Variants in CADM2 observed in about 807,000 individuals in gnomAD.
The protein encoded by CADM2 is cell adhesion molecule 2, also known as immunoglobulin superfamily member 4D.
Under a neutral mutation model 49.8 loss-of-function variants are expected in CADM2, and 12 were observed. The observed-to-expected ratio is 0.24, with a 90% CI of 0.15 to 0.39. CADM2 has a LOEUF of 0.39. Among genes scored for constraint, CADM2 ranks in the 10% least tolerant of loss-of-function variants. The pLI, the probability that CADM2 is intolerant of heterozygous loss-of-function variation, is 1.00. For synonymous variants in CADM2, 214 were observed against 175.4 expected, an observed-to-expected ratio of 1.22 and a Z score of -1.74; for missense variants, 378 against 492.3, an observed-to-expected ratio of 0.77 and a Z score of 2.20.
chr3:85,304,376 G>A (rs1308341958), intron 1 of CADM2, among the ~76,000 whole-genome samples: 1 of 151,700 alleles, frequency 6.6e-6, no homozygotes, highest in Non-Finnish European at 1.5e-5. Flanking sequence ...TAGAAACTAG[G>A]ATTATGGCTC....
At chr3:85,198,534 A>C (rs2041404436) in intron 1 of CADM2, among the ~76,000 whole-genome samples, 2 of 151,796 alleles carry the variant, frequency 1.3e-5, no homozygotes, top group African/African-American at 4.8e-5. Flanking sequence ...GAAACCACAG[A>C]AGCAGTTTCT....
chr3:85,119,248 C>CA (rs933085097), intron 1 of CADM2, among the ~76,000 whole-genome samples: 4 of 151,886 alleles, frequency 2.6e-5, no homozygotes, highest in African/African-American at 4.8e-5. Context: ...CCTGTCTCTA[C>CA]AAAAAAAATC....
chr3:85,172,453 A>T (rs1024724956), intron 1 of CADM2, among the ~76,000 whole-genome samples: 1 of 152,192 alleles, frequency 6.6e-6, no homozygotes, highest in African/African-American at 2.4e-5. Context: ...ATTCTAATCA[A>T]ATGCATATTA....
At chr3:85,543,433 T>TGTGTGTGTGTGTGTGA (rs2061596485) in intron 1 of CADM2, among the ~76,000 whole-genome samples, 1 of 148,034 alleles carries the variant, frequency 6.8e-6, no homozygotes, top group Non-Finnish European at 1.5e-5. Context: ...TGTGTGTGTG[T>TGTGTGTGTGTGTGTGA]GTGTGTGTGT....
intron 1 of CADM2, among the ~76,000 whole-genome samples, chr3:85,545,840 A>G (rs912285394): frequency 1.3e-5 from 2 of 152,264 alleles, no homozygotes; most frequent in South Asian, 4.1e-4. Context: ...GTCAGGTTGG[A>G]TGAAGAAGAA....
intron 8 of CADM2, among the ~76,000 whole-genome samples, chr3:86,054,027 T>C (rs1428831574): frequency 6.6e-6 from 1 of 152,040 alleles, no homozygotes; most frequent in African/African-American, 2.4e-5. Context: ...ATCTGTCATA[T>C]AGCTAGTGTA....
At chr3:85,093,460 T>C (rs1417181468) in intron 1 of CADM2, among the ~76,000 whole-genome samples, 3 of 143,044 alleles carry the variant, frequency 2.1e-5, no homozygotes, top group African/African-American at 7.8e-5. Flanking sequence ...GAGGTTGCAG[T>C]GAGCCGAGAT....
At chr3:84,985,778 A>G (rs2032517324) in intron 1 of CADM2, among the ~76,000 whole-genome samples, 1 of 152,238 alleles carries the variant, frequency 6.6e-6, no homozygotes, top group Non-Finnish European at 1.5e-5. Flanking sequence ...GATAATTGCT[A>G]GTGGGTCTAA....
intron 2 of CADM2, among the ~76,000 whole-genome samples, chr3:85,782,560 G>A (rs899691833): frequency 2.0e-5 from 3 of 151,518 alleles, no homozygotes; most frequent in East Asian, 1.9e-4. Context: ...GGAGGCTGAG[G>A]CAGGAGAATC....
intron 8 of CADM2, among the ~76,000 whole-genome samples, chr3:85,973,403 T>C (rs1195593309): frequency 6.6e-6 from 1 of 151,698 alleles, no homozygotes; most frequent in Non-Finnish European, 1.5e-5. Context: ...AAAAAGCACC[T>C]ACCACATTGA....
chr3:85,841,370 A>G (rs2074631492), intron 3 of CADM2, among the ~76,000 whole-genome samples: 1 of 151,920 alleles, frequency 6.6e-6, no homozygotes, highest in African/African-American at 2.4e-5. Flanking sequence ...CCTTGCTTAA[A>G]AAAGATGAAC....
intron 3 of CADM2, among the ~76,000 whole-genome samples, chr3:85,879,150 C>A: frequency 6.6e-6 from 1 of 151,582 alleles, no homozygotes; most frequent in Non-Finnish European, 1.5e-5. Flanking sequence ...GCATGAGTTC[C>A]TATTGTGAGA....
intron 2 of CADM2, among the ~76,000 whole-genome samples, chr3:85,760,319 T>G (rs545086588): frequency 6.6e-6 from 1 of 150,480 alleles, no homozygotes; most frequent in East Asian, 2.0e-4. Context: ...CCCAGCTGTG[T>G]CCTTGAAAGA....
At chr3:85,770,058 G>A (rs1048445736) in intron 2 of CADM2, among the ~76,000 whole-genome samples, 4 of 152,008 alleles carry the variant, frequency 2.6e-5, no homozygotes, top group Non-Finnish European at 4.4e-5. Context: ...CACTGGATTG[G>A]GAAACAGAAA....
intron 1 of CADM2, among the ~76,000 whole-genome samples, chr3:84,995,645 T>A (rs2033143472): frequency 1.3e-5 from 2 of 152,180 alleles, no homozygotes; most frequent in South Asian, 4.1e-4. Context: ...GCCTAAGTAC[T>A]TGCCTACAAA....
At chr3:85,179,327 T>C (rs935218373) in intron 1 of CADM2, among the ~76,000 whole-genome samples, 2 of 152,028 alleles carry the variant, frequency 1.3e-5, no homozygotes, top group South Asian at 2.1e-4. Flanking sequence ...GTGAATTTAG[T>C]ACAATTTTTA....
intron 1 of CADM2, among the ~76,000 whole-genome samples, chr3:84,983,938 A>T (rs1010874687): frequency 6.6e-6 from 1 of 152,058 alleles, no homozygotes; most frequent in Non-Finnish European, 1.5e-5. Context: ...ATAGGTGGAC[A>T]TTATCAACTT....
chr3:85,211,884 TCTCAG>T (rs2041788276), intron 1 of CADM2, among the ~76,000 whole-genome samples: 1 of 152,166 alleles, frequency 6.6e-6, no homozygotes, highest in Non-Finnish European at 1.5e-5. Context: ...GGTGCTGAAG[TCTCAG>T]CTCCTATTGT....
intron 3 of CADM2, among the ~76,000 whole-genome samples, chr3:85,880,425 A>C (rs1385141646): frequency 2.0e-5 from 3 of 152,118 alleles, no homozygotes; most frequent in Non-Finnish European, 4.4e-5. Context: ...TGATGCGTCA[A>C]GATTTCCTCT....
Sources: gnomAD v4.1 joint callset for allele counts (sites outside exome capture counted in the v4.1 genomes callset) on GRCh38, gnomAD v4.1.1 for gene constraint, MANE v1.5 for transcripts, NCBI Gene and HGNC (gene_info 2026-07-23, HGNC 2026-07-21) for gene names.